The following DLG2 variants were observed in gnomAD, a reference collection of about 807,000 sequenced individuals.
The protein encoded by DLG2 is disks large homolog 2.
In DLG2, 45 loss-of-function variants were observed where a neutral mutation model predicts 132.5. That is an observed-to-expected ratio of 0.34 (90% confidence interval 0.27 to 0.44). The LOEUF (loss-of-function observed/expected upper bound fraction) is 0.44, where lower values mean the gene tolerates loss of function less well. Among genes scored for constraint, DLG2 ranks in the 20% least tolerant of loss-of-function variants. The pLI is 1.00. For missense variants in DLG2, 1,045 were observed against 1,196.9 expected, an observed-to-expected ratio of 0.87 and a Z score of 1.87; for synonymous variants, 424 against 419.6, an observed-to-expected ratio of 1.01 and a Z score of -0.13.
intron 10 of DLG2, among the ~76,000 whole-genome samples, chr11:84,087,840 GT>G (rs2097016390): frequency 6.6e-6 from 1 of 152,210 alleles, no homozygotes; most frequent in Non-Finnish European, 1.5e-5. Flanking sequence ...GTTTATCTCA[GT>G]GAGTCTGATT....
chr11:84,962,594 A>G (rs2052736087), intron 6 of DLG2, among the ~76,000 whole-genome samples: 1 of 152,208 alleles, frequency 6.6e-6, no homozygotes, highest in Non-Finnish European at 1.5e-5. Context: ...CCAGGCATGC[A>G]TTTCAATAAA....
intron 19 of DLG2, among the ~76,000 whole-genome samples, chr11:83,570,429 T>A (rs1380164506): frequency 6.6e-6 from 1 of 152,218 alleles, no homozygotes; most frequent in African/African-American, 2.4e-5. Flanking sequence ...CTATTACTAC[T>A]ATTACTGGTT....
At chr11:83,927,049 T>G (rs1011954319) in intron 15 of DLG2, among the ~76,000 whole-genome samples, 4 of 152,196 alleles carry the variant, frequency 2.6e-5, no homozygotes, top group Non-Finnish European at 5.9e-5. Flanking sequence ...TTTCTATGCA[T>G]GGATTCATTC....
At chr11:83,652,215 A>T (rs1459975392) in intron 18 of DLG2, among the ~76,000 whole-genome samples, 1 of 152,104 alleles carries the variant, frequency 6.6e-6, no homozygotes, top group Non-Finnish European at 1.5e-5. Flanking sequence ...ATCATGCAGG[A>T]GGGTATCTAT....
At chr11:84,355,273 C>T (rs151043514) in intron 7 of DLG2, among the ~76,000 whole-genome samples, 5 of 152,104 alleles carry the variant, frequency 3.3e-5, no homozygotes, top group East Asian at 1.9e-4. Flanking sequence ...GAAGGCAAAA[C>T]GGACATCCGC....
At chr11:85,410,563 G>C (rs1450808070) in intron 3 of DLG2, among the ~76,000 whole-genome samples, 1 of 151,860 alleles carries the variant, frequency 6.6e-6, no homozygotes, top group Non-Finnish European at 1.5e-5. Context: ...AGTGATGTTA[G>C]TGGTATGCCC....
At chr11:85,139,963 C>G (rs1433541041) in intron 5 of DLG2, among the ~76,000 whole-genome samples, 2 of 151,938 alleles carry the variant, frequency 1.3e-5, no homozygotes, top group South Asian at 4.1e-4. Context: ...AATGTCCTCC[C>G]AGGCTCCTCC....
At chr11:84,976,024 T>A (rs1046513394) in intron 6 of DLG2, among the ~76,000 whole-genome samples, 1 of 152,320 alleles carries the variant, frequency 6.6e-6, no homozygotes, top group Non-Finnish European at 1.5e-5. Flanking sequence ...TCAAATATCC[T>A]GTCTCCAACA....
intron 18 of DLG2, among the ~76,000 whole-genome samples, chr11:83,658,224 G>A (rs990793851): frequency 3.9e-5 from 6 of 152,106 alleles, no homozygotes; most frequent in African/African-American, 1.4e-4. Context: ...TATCTAATGG[G>A]CTTTTTGAAA....
chr11:85,226,830 T>A (rs1309863468), intron 4 of DLG2, among the ~76,000 whole-genome samples: 1 of 152,178 alleles, frequency 6.6e-6, no homozygotes, highest in African/African-American at 2.4e-5. Flanking sequence ...CCCTGCTCTT[T>A]TAGTGAAGGA....
intron 19 of DLG2, chr11:83,631,941 A>G (rs1259851201): frequency 6.6e-6 from 1 of 152,216 alleles, no homozygotes; most frequent in East Asian, 1.9e-4. Context: ...TTAACTTTCC[A>G]TCATATTTGT....
chr11:84,331,454 A>ATAAAT (rs1351744536), intron 7 of DLG2, among the ~76,000 whole-genome samples: 27 of 112,224 alleles, frequency 2.4e-4, no homozygotes, highest in African/African-American at 7.5e-4. Context: ...AAAAAAAAAA[A>ATAAAT]AAAAAAATAA....
intron 15 of DLG2, among the ~76,000 whole-genome samples, chr11:83,883,996 C>T (rs918072564): frequency 2.0e-5 from 3 of 151,880 alleles, no homozygotes; most frequent in Admixed American, 2.0e-4. Flanking sequence ...CTCCGGTCTA[C>T]AGCTCCCAGC....
At chr11:84,241,833 G>A (rs1009065084) in intron 8 of DLG2, among the ~76,000 whole-genome samples, 7 of 152,134 alleles carry the variant, frequency 4.6e-5, no homozygotes, top group Admixed American at 2.6e-4. Context: ...ATCACCTGAG[G>A]TACTTTTAAG....
chr11:83,617,665 G>C (rs1411588107), intron 19 of DLG2, among the ~76,000 whole-genome samples: 2 of 152,174 alleles, frequency 1.3e-5, no homozygotes, highest in East Asian at 3.9e-4. Flanking sequence ...AGTAGTGATA[G>C]AAGGTGTCTC....
chr11:84,014,533 A>G (rs1422211981), intron 11 of DLG2, among the ~76,000 whole-genome samples: 1 of 152,180 alleles, frequency 6.6e-6, no homozygotes, highest in Non-Finnish European at 1.5e-5. Flanking sequence ...TCTTGTTCCT[A>G]TTACACAAAT....
intron 9 of DLG2, among the ~76,000 whole-genome samples, chr11:84,160,363 C>T (rs2095519417): frequency 6.6e-6 from 1 of 152,068 alleles, no homozygotes; most frequent in Admixed American, 6.5e-5. Flanking sequence ...AAGGAGGAAG[C>T]ATCAAATCCT....
chr11:85,121,339 G>T (rs1320363681), intron 5 of DLG2, among the ~76,000 whole-genome samples: 1 of 150,756 alleles, frequency 6.6e-6, no homozygotes, highest in African/African-American at 2.4e-5. Flanking sequence ...TGTTTTCATA[G>T]TAAAATATAC....
intron 6 of DLG2, among the ~76,000 whole-genome samples, chr11:84,654,415 G>T (rs1186506512): frequency 6.6e-6 from 1 of 152,102 alleles, no homozygotes; most frequent in South Asian, 2.1e-4. Flanking sequence ...TTCCTGGGGG[G>T]AGGGACTATT....
Sources: gnomAD v4.1 joint callset for allele counts (sites outside exome capture counted in the v4.1 genomes callset) on GRCh38, gnomAD v4.1.1 for gene constraint, MANE v1.5 for transcripts, NCBI Gene and HGNC (gene_info 2026-07-23, HGNC 2026-07-21) for gene names.